Variants in MARCHF3 observed in about 807,000 individuals in gnomAD.
MARCHF3 encodes the protein E3 ubiquitin-protein ligase MARCHF3.
MARCHF3 carries 13 observed loss-of-function variants against 24.2 expected under a neutral mutation model. The observed-to-expected ratio is 0.54, with a 90% CI of 0.35 to 0.85. The LOEUF (loss-of-function observed/expected upper bound fraction) is 0.85. Ranked by LOEUF, MARCHF3 falls within the 40% of genes least tolerant of loss-of-function variation. The probability of loss-of-function intolerance (pLI) is 0.01; values close to 1 mark genes in which losing one functional copy is unlikely to be tolerated. For synonymous variants in MARCHF3, 144 were observed against 137.3 expected, an observed-to-expected ratio of 1.05 and a Z score of -0.34; for missense variants, 276 against 325.0, an observed-to-expected ratio of 0.85 and a Z score of 1.16.
chr5:126,983,347 G>A (rs1192957025), intron 1 of MARCHF3, among the ~76,000 whole-genome samples: 10 of 152,294 alleles, frequency 6.6e-5, no homozygotes, highest in Non-Finnish European at 8.8e-5. Context: ...TCCCTATCAG[G>A]GGACAGGAAC....
intron 1 of MARCHF3, among the ~76,000 whole-genome samples, chr5:126,962,246 A>G (rs1025570132): frequency 1.3e-5 from 2 of 151,940 alleles, no homozygotes; most frequent in Non-Finnish European, 2.9e-5. Context: ...CTCTCTCTAT[A>G]TATATATATC....
chr5:126,873,860 A>G (rs896600889), intron 4 of MARCHF3, among the ~76,000 whole-genome samples: 2 of 152,248 alleles, frequency 1.3e-5, no homozygotes, highest in African/African-American at 4.8e-5. Context: ...AACGCCAAGG[A>G]GACCACAGGT....
chr5:126,959,361 C>CT (rs1406684008), intron 1 of MARCHF3, among the ~76,000 whole-genome samples: 1 of 152,150 alleles, frequency 6.6e-6, no homozygotes, highest in Non-Finnish European at 1.5e-5. Context: ...AAAAAAGGGA[C>CT]TTTTTACAAA....
chr5:126,974,384 C>G (rs573046518), intron 1 of MARCHF3, among the ~76,000 whole-genome samples: 4 of 152,302 alleles, frequency 2.6e-5, no homozygotes, highest in South Asian at 4.1e-4. Flanking sequence ...GAGGCAGAAG[C>G]CTCCCCAGTG....
intron 1 of MARCHF3, among the ~76,000 whole-genome samples, chr5:126,987,315 T>C (rs762941891): frequency 6.6e-6 from 1 of 152,208 alleles, no homozygotes; most frequent in Non-Finnish European, 1.5e-5. Flanking sequence ...AAACATTTGA[T>C]ACGAGGGTAA....
intron 1 of MARCHF3, among the ~76,000 whole-genome samples, chr5:126,960,411 A>G (rs1354960733): frequency 6.6e-6 from 1 of 152,146 alleles, no homozygotes; most frequent in Non-Finnish European, 1.5e-5. Context: ...AAAACTCAAA[A>G]TTGTCGCAAT....
intron 3 of MARCHF3, among the ~76,000 whole-genome samples, chr5:126,888,963 C>T (rs1428958824): frequency 6.6e-6 from 1 of 152,138 alleles, no homozygotes. Context: ...TGGGGTTTTG[C>T]CATGTTGGCC....
intron 1 of MARCHF3, among the ~76,000 whole-genome samples, chr5:127,023,714 T>C (rs918784005): frequency 1.3e-5 from 2 of 149,854 alleles, no homozygotes; most frequent in Non-Finnish European, 3.0e-5. Flanking sequence ...CTGGGTGACA[T>C]AGCGAGATTC....
intron 1 of MARCHF3, among the ~76,000 whole-genome samples, chr5:126,961,684 G>C (rs1750642739): frequency 6.6e-6 from 1 of 152,134 alleles, no homozygotes; most frequent in Admixed American, 6.6e-5. Flanking sequence ...AAGAAATTAT[G>C]CCTCATCAAA....
At chr5:127,027,512 C>T (rs1753039878) in intron 1 of MARCHF3, among the ~76,000 whole-genome samples, 1 of 152,128 alleles carries the variant, frequency 6.6e-6, no homozygotes, top group African/African-American at 2.4e-5. Flanking sequence ...CCCAGAGCAT[C>T]CCAGGACCCC....
intron 1 of MARCHF3, among the ~76,000 whole-genome samples, chr5:126,970,191 G>C (rs1351516730): frequency 6.6e-6 from 1 of 151,840 alleles, no homozygotes; most frequent in Admixed American, 6.6e-5. Context: ...GGGTTCAAAT[G>C]ATTATCCTGC....
At chr5:126,872,288 G>A (rs1334239354) in intron 4 of MARCHF3, among the ~76,000 whole-genome samples, 3 of 151,654 alleles carry the variant, frequency 2.0e-5, no homozygotes, top group African/African-American at 7.3e-5. Flanking sequence ...TCGAACTCCC[G>A]ACCTTAGGTG....
At position 126,870,501 on chromosome 5, in the gene MARCHF3, G is replaced by A; in HGVS notation, c.*132C>T. ...CGGAGGTTGTTGCTTGGAGTGATGT[G>A]CTAATATGCTCTGGATGTTCTTAGA... On this transcript the variant is annotated 3_prime_UTR_variant, in exon 5 of 5. Transcript: ENST00000308660. 1 of 726,858 alleles carries A rather than the reference G, an allele frequency of 1.4e-6. No homozygotes were observed. The highest frequency in any genetic ancestry group is 2.3e-6 in the Non-Finnish European group (1 of 433,292). 45.0% of individuals were successfully genotyped at this position (726,858 alleles called of 1,614,324 possible). A position where few individuals can be genotyped will look rare whatever the true frequency, so the allele number is the denominator to read the frequency against.
intron 4 of MARCHF3, among the ~76,000 whole-genome samples, chr5:126,871,527 T>TC (rs1202194360): frequency 6.6e-6 from 1 of 152,126 alleles, no homozygotes; most frequent in Non-Finnish European, 1.5e-5. Flanking sequence ...TGTTTTTCTC[T>TC]CCCCCTGCAC....
At chr5:127,014,006 T>C (rs1224215936) in intron 1 of MARCHF3, among the ~76,000 whole-genome samples, 1 of 152,086 alleles carries the variant, frequency 6.6e-6, no homozygotes, top group Non-Finnish European at 1.5e-5. Context: ...GATTTTATGA[T>C]TAAGAACTCA....
intron 1 of MARCHF3, among the ~76,000 whole-genome samples, chr5:126,952,228 C>A (rs1750267953): frequency 6.6e-6 from 1 of 152,132 alleles, no homozygotes; most frequent in South Asian, 2.1e-4. Flanking sequence ...ACAAAACAAC[C>A]AGCTTCGACA....
At chr5:126,903,375 T>C (rs1754169454) in intron 3 of MARCHF3, among the ~76,000 whole-genome samples, 1 of 152,088 alleles carries the variant, frequency 6.6e-6, no homozygotes, top group South Asian at 2.1e-4. Context: ...TGACATGCTA[T>C]GATACTAGTC....
intron 1 of MARCHF3, among the ~76,000 whole-genome samples, chr5:126,949,738 C>G (rs771894968): frequency 6.6e-6 from 1 of 152,136 alleles, no homozygotes; most frequent in Non-Finnish European, 1.5e-5. Flanking sequence ...GAGTTGGGAT[C>G]AGAGAGGCAA....
At chr5:126,870,857 A>G (rs1752943927) in intron 4 of MARCHF3, 66 bp from the exon 5 acceptor site, 1 of 1,585,628 alleles carries the variant, frequency 6.3e-7, no homozygotes. Context: ...AATCAATACA[A>G]GAAACAAATA....
Sources: gnomAD v4.1 joint callset for allele counts (sites outside exome capture counted in the v4.1 genomes callset) on GRCh38, gnomAD v4.1.1 for gene constraint, MANE v1.5 for transcripts, NCBI Gene and HGNC (gene_info 2026-07-23, HGNC 2026-07-21) for gene names.